CNGB3: variants seen among roughly 807,000 people sequenced by gnomAD.
The protein encoded by CNGB3 is cyclic nucleotide gated channel subunit beta 3.
CNGB3 carries 86 observed loss-of-function variants against 92.8 expected under a neutral mutation model. The observed-to-expected ratio is 0.93, with a 90% confidence interval of 0.78 to 1.11. The LOEUF is 1.11. Among genes scored for constraint, CNGB3 ranks in the 50% least tolerant of loss-of-function variants. CNGB3 has a pLI of 0.00. For synonymous variants in CNGB3, 333 were observed against 332.7 expected (o/e 1.00, Z -0.01); for missense variants, 1,026 against 956.8 (o/e 1.07, Z -0.95).
chr8:86,738,891 T>A (rs918761987), intron 2 of CNGB3, among the ~76,000 whole-genome samples: 3 of 149,320 alleles, frequency 2.0e-5, no homozygotes, highest in African/African-American at 7.4e-5. Context: ...TGAAAGGAGA[T>A]TTGGTGACTA....
At chr8:86,631,528 A>T (rs1390296246) in intron 11 of CNGB3, among the ~76,000 whole-genome samples, 1 of 152,136 alleles carries the variant, frequency 6.6e-6, no homozygotes, top group Non-Finnish European at 1.5e-5. Context: ...GAAAAAATTG[A>T]CTGTGATATG....
At chr8:86,723,573 T>C (rs1024995338) in intron 3 of CNGB3, among the ~76,000 whole-genome samples, 4 of 152,162 alleles carry the variant, frequency 2.6e-5, no homozygotes, top group African/African-American at 9.7e-5. Flanking sequence ...TGGTAACTGT[T>C]GTCACCCATG....
intron 11 of CNGB3, among the ~76,000 whole-genome samples, chr8:86,629,608 C>T (rs1282281624): frequency 6.6e-6 from 1 of 152,160 alleles, no homozygotes; most frequent in Non-Finnish European, 1.5e-5. Context: ...CTCAATTCAT[C>T]ATGAAATTGC....
At chr8:86,692,545 C>A (rs945029810) in intron 3 of CNGB3, among the ~76,000 whole-genome samples, 2 of 152,148 alleles carry the variant, frequency 1.3e-5, no homozygotes, top group African/African-American at 4.8e-5. Flanking sequence ...ATAACAGCTA[C>A]TCCTGGTTGC....
chr8:86,617,242 C>T (rs899890903), intron 13 of CNGB3, among the ~76,000 whole-genome samples: 2 of 152,160 alleles, frequency 1.3e-5, no homozygotes, highest in Admixed American at 1.3e-4. Context: ...CCTTGGAATG[C>T]GTACCCTCTT....
chr8:86,623,431 G>A (rs945633030), intron 13 of CNGB3, among the ~76,000 whole-genome samples: 1 of 152,154 alleles, frequency 6.6e-6, no homozygotes, highest in Non-Finnish European at 1.5e-5. Context: ...TGTCTGGTGA[G>A]GGCTGCTCTT....
chr8:86,739,650 C>G lies in CNGB3; in HGVS notation c.211+5G>C, dbSNP rs1825307479. Reference sequence around the variant, plus strand: ...TTTTTTTTTTTTTTCAGACTGCATTCTGACCTTGTATGTTGGTGTGTGGCT... The same window carrying G: ...TTTTTTTTTTTTTTCAGACTGCATTGTGACCTTGTATGTTGGTGTGTGGCT... On this transcript the variant is annotated splice_donor_5th_base_variant and intron_variant, in intron 2 of 17. Coordinates refer to ENST00000320005, the MANE Select transcript of CNGB3 (RefSeq NM_019098.5). 2 of 1,426,472 alleles carry G rather than the reference C, an allele frequency of 1.4e-6. No individual in the cohort carries two copies. Among genetic ancestry groups the G allele is most frequent in the Non-Finnish European group, 1.9e-6 (2 of 1,057,244 alleles). 88.4% of individuals were successfully genotyped at this position (1,426,472 alleles called of 1,614,324 possible).
At chr8:86,698,467 A>G (rs909032791) in intron 3 of CNGB3, among the ~76,000 whole-genome samples, 1 of 152,186 alleles carries the variant, frequency 6.6e-6, no homozygotes, top group Non-Finnish European at 1.5e-5. Flanking sequence ...GATAGAGAAA[A>G]CAATCGCCTA....
intron 2 of CNGB3, among the ~76,000 whole-genome samples, chr8:86,736,328 G>A (rs1293277180): frequency 1.3e-5 from 2 of 152,110 alleles, no homozygotes; most frequent in African/African-American, 4.8e-5. Context: ...GACATGCCAA[G>A]TCTGCAGATT....
At position 86,604,176 on chromosome 8, in the gene CNGB3, A is replaced by T. The variant is rs34160136; in HGVS notation, c.1698T>A (p.His566Gln). 8.1e-5 allele frequency: 130 copies of T among 1,613,268 alleles called. No individual in the cohort carries two copies. In the African/African-American group the frequency reaches 1.6e-3, roughly 20 times the overall value. Residue 566 changes from histidine to glutamine, a missense_variant, in exon 15 of 18, where the codon CAT (histidine) becomes CAA (glutamine). By Grantham distance (24) the His-to-Gln change is conservative (BLOSUM62 0). Transcript: ENST00000320005. Reference protein sequence around the residue: ...EIGKEMYIIKHGEVQVLGGPD... With the variant: ...EIGKEMYIIKQGEVQVLGGPD... ...GGCCTCCAAGAACTTGGACTTCTCC[A>T]TGCTTGATGATATACATTTCCTTGC...
intron 2 of CNGB3, among the ~76,000 whole-genome samples, chr8:86,737,488 C>CA (rs1368642154): frequency 6.6e-5 from 10 of 151,854 alleles, no homozygotes; most frequent in Non-Finnish European, 1.5e-4. Flanking sequence ...TCAGAGCGGT[C>CA]CTTTTTTTAA....
At chr8:86,658,372 GGAGAGCCAT>G in intron 6 of CNGB3, 1 of 438,860 alleles carries the variant, frequency 2.3e-6, no homozygotes, top group South Asian at 2.2e-5. Flanking sequence ...CCTTCCCCAT[GGAGAGCCAT>G]GAGGGTCAGC....
At chr8:86,590,835 G>A (rs1471630311) in intron 15 of CNGB3, among the ~76,000 whole-genome samples, 24 of 150,420 alleles carry the variant, frequency 1.6e-4, no homozygotes, top group Admixed American at 9.3e-4. Context: ...TGCTCTTCTC[G>A]AGGAGTATCT....
chr8:86,735,042 G>GGTTTTTTTTTTTTTTTTTTTTTTTT (rs1554618958), intron 2 of CNGB3, among the ~76,000 whole-genome samples: 1 of 85,886 alleles, frequency 1.2e-5, no homozygotes, highest in Non-Finnish European at 2.1e-5. Context: ...AATGCCGGTG[G>GGTTTTTTTTTTTTTTTTTTTTTTTT]TTTTTTTTTT....
At position 86,582,696 on chromosome 8, in the gene CNGB3, A is replaced by G. The variant is rs560717839; in HGVS notation, c.1782-3444T>C. 2.6e-5 allele frequency among the ~76,000 whole-genome samples: 4 copies of G among 152,280 alleles called. No individual in the cohort carries two copies. The South Asian group carries it at 8.3e-4, about 32-fold the overall frequency. Reference sequence around the variant, plus strand: ...GTACAGTATTTAAAGTGTTGCAAGAAAAAACTACCAACTAGAATTCTATAT... The same window carrying G: ...GTACAGTATTTAAAGTGTTGCAAGAGAAAACTACCAACTAGAATTCTATAT... On this transcript the variant is annotated intron_variant, in intron 15 of 17. Transcript: ENST00000320005.
At chr8:86,594,627 G>A (rs917507935) in intron 15 of CNGB3, 1 of 210,384 alleles carries the variant, frequency 4.8e-6, no homozygotes, top group African/African-American at 2.4e-5. Flanking sequence ...GTGTGTCCCT[G>A]ACTGGGACAC....
At chr8:86,708,563 A>ATTTT (rs10714055) in intron 3 of CNGB3, among the ~76,000 whole-genome samples, 2 of 85,930 alleles carry the variant, frequency 2.3e-5, no homozygotes, top group African/African-American at 4.5e-5. Context: ...TCTTTTCTTA[A>ATTTT]TTTTTTTTTT....
chr8:86,651,749 T>C (rs1435825437), intron 7 of CNGB3, among the ~76,000 whole-genome samples: 5 of 151,934 alleles, frequency 3.3e-5, no homozygotes, highest in African/African-American at 1.2e-4. Context: ...TGAATTGAAG[T>C]ATTGACCAAC....
chr8:86,632,222 G>T (rs1436614183), intron 11 of CNGB3, among the ~76,000 whole-genome samples: 1 of 149,734 alleles, frequency 6.7e-6, no homozygotes, highest in Non-Finnish European at 1.5e-5. Flanking sequence ...AAAAAAAAGG[G>T]CTCTATCCTT....
Sources: gnomAD v4.1 joint callset for allele counts (sites outside exome capture counted in the v4.1 genomes callset) on GRCh38, gnomAD v4.1.1 for gene constraint, MANE v1.5 for transcripts, NCBI Gene and HGNC (gene_info 2026-07-23, HGNC 2026-07-21) for gene names.